Variants in DNM1L observed in about 807,000 individuals in gnomAD.
The protein encoded by DNM1L is dynamin 1L.
In DNM1L, 33 loss-of-function variants were observed where a neutral mutation model predicts 92.8. The observed-to-expected ratio is 0.36, with a 90% CI of 0.27 to 0.48. The LOEUF (loss-of-function observed/expected upper bound fraction) is 0.48, where lower values mean the gene tolerates loss of function less well. DNM1L is among the 20% of genes least tolerant of loss of function. The pLI is 0.99. For missense variants in DNM1L, 485 were observed against 888.8 expected, an observed-to-expected ratio of 0.55 and a Z score of 5.78; for synonymous variants, 284 against 305.0, an observed-to-expected ratio of 0.93 and a Z score of 0.72.
Position 32,743,799 on chromosome 12 carries a change from G to A in DNM1L, c.*389G>A. On this transcript the variant is annotated 3_prime_UTR_variant, in exon 20 of 20. Coordinates refer to ENST00000549701, the MANE Select transcript of DNM1L (RefSeq NM_012062.5). ...TAGTCCTCCAAGAAGAAAGCACCAA[G>A]ACAACATTTCATATGACTATAATGC... 1 of 235,284 alleles carries A rather than the reference G, an allele frequency of 4.3e-6. No homozygotes were observed. The highest frequency in any genetic ancestry group is 9.5e-5 in the East Asian group (1 of 10,492). The allele number at this position is 235,284 out of a possible 1,614,324, so 14.6% of individuals were successfully genotyped here. A position where few individuals can be genotyped will look rare whatever the true frequency, so the allele number is the denominator to read the frequency against.
chr12:32,732,953 G>A (rs1954647962), intron 12 of DNM1L, among the ~76,000 whole-genome samples: 1 of 152,074 alleles, frequency 6.6e-6, no homozygotes, highest in African/African-American at 2.4e-5. Context: ...AAAATTAGCC[G>A]GGCGTGGTGG....
rs114652559 is a variant in DNM1L at position 32,705,070 on chromosome 12, A to G, written c.251-2297A>G. On this transcript the variant is annotated intron_variant, in intron 2 of 19. Coordinates refer to ENST00000549701, the MANE Select transcript of DNM1L (RefSeq NM_012062.5). ...GCCCAGGCTGGTGTGCAGTGGCACAATGATCTCAGCTCACTGAAACCTCCT... is the reference window on the plus strand; with the variant it reads ...GCCCAGGCTGGTGTGCAGTGGCACAGTGATCTCAGCTCACTGAAACCTCCT... 1.5e-3 allele frequency among the ~76,000 whole-genome samples: 223 copies of G among 149,950 alleles called. 1 individual carries two copies. The highest frequency in any genetic ancestry group is 5.2e-3 in the African/African-American group (213 of 40,600).
In DNM1L at chr12:32,717,930, T is replaced by A. The variant is rs1331323416; in HGVS notation, c.620-713T>A. The stretch of plus-strand genomic sequence containing the variant: ...ATATATATAAAATATAGTATATATT[T>A]TATATATATATAAAATATAGTATAT... On this transcript the variant is annotated intron_variant, in intron 6 of 19. Transcript: ENST00000549701. Among the ~76,000 whole-genome samples the A allele has an allele frequency of 9.5e-4, 76 of 80,244 alleles. 1 individual carries two copies. Among genetic ancestry groups the A allele is most frequent in the South Asian group, 7.7e-3 (25 of 3,266 alleles). The allele number at this position is 80,244 out of a possible 152,430, so 52.6% of individuals were successfully genotyped here.
intron 1 of DNM1L, among the ~76,000 whole-genome samples, chr12:32,690,527 A>G (rs889552481): frequency 3.9e-5 from 6 of 152,188 alleles, no homozygotes; most frequent in African/African-American, 1.4e-4. Flanking sequence ...AAGCAATGAA[A>G]TATTTCCTAC....
chr12:32,730,194 T>A (rs1354343082), intron 9 of DNM1L, among the ~76,000 whole-genome samples: 2 of 151,680 alleles, frequency 1.3e-5, no homozygotes, highest in East Asian at 3.9e-4. Flanking sequence ...TGAAACCCCG[T>A]CTCTACTAAA....
intron 6 of DNM1L, among the ~76,000 whole-genome samples, chr12:32,715,616 C>T (rs1031633493): frequency 2.6e-5 from 4 of 152,008 alleles, no homozygotes; most frequent in Admixed American, 2.6e-4. Context: ...CCTGTAGTCC[C>T]AGCTACTGGG....
At chr12:32,711,710 C>T (rs754184032) in intron 5 of DNM1L, among the ~76,000 whole-genome samples, 9 of 151,978 alleles carry the variant, frequency 5.9e-5, no homozygotes, top group Admixed American at 2.0e-4. Flanking sequence ...GCCTGGGCAA[C>T]ATAGGGAGAC....
intron 16 of DNM1L, 70 bp from the exon 17 acceptor site, chr12:32,739,994 T>C: frequency 1.2e-6 from 2 of 1,601,954 alleles, no homozygotes; most frequent in Non-Finnish European, 1.7e-6. Context: ...TACTGTCAAA[T>C]AAAATGAACT....
chr12:32,717,230 T>C (rs1358791646), intron 6 of DNM1L, among the ~76,000 whole-genome samples: 1 of 110,118 alleles, frequency 9.1e-6, no homozygotes, highest in Non-Finnish European at 1.7e-5. Flanking sequence ...TAGTATATAT[T>C]ATATATATTT....
At chr12:32,735,942 T>C (rs2137553549) in intron 13 of DNM1L, among the ~76,000 whole-genome samples, 1 of 152,278 alleles carries the variant, frequency 6.6e-6, no homozygotes, top group Non-Finnish European at 1.5e-5. Context: ...TTGGACTGTG[T>C]TCATGAAATA....
At chr12:32,718,004 A>T (rs527471839) in intron 6 of DNM1L, among the ~76,000 whole-genome samples, 6 of 104,744 alleles carry the variant, frequency 5.7e-5, no homozygotes, top group South Asian at 5.1e-4. Context: ...AGTATATATA[A>T]TATATATAGT....
chr12:32,739,488 C>CA (rs2137582696), intron 16 of DNM1L, among the ~76,000 whole-genome samples: 1 of 152,296 alleles, frequency 6.6e-6, no homozygotes, highest in Admixed American at 6.5e-5. Flanking sequence ...TGAAACAACT[C>CA]ACAGTGACTG....
intron 6 of DNM1L, among the ~76,000 whole-genome samples, chr12:32,717,231 A>ATATATAGTATATAC (rs1459348700): frequency 9.3e-6 from 1 of 108,056 alleles, no homozygotes; most frequent in Non-Finnish European, 1.7e-5. Context: ...AGTATATATT[A>ATATATAGTATATAC]TATATATTTT....
In DNM1L at chr12:32,713,203, G is replaced by A. The variant is rs746248565; in HGVS notation, c.457-6G>A. Reference sequence around the variant, plus strand: ...TTAGTTCCTTGCTCATCTCTGTTTGGTTTAGGTGCCTGTAGGTGATCAACC... The same window carrying A: ...TTAGTTCCTTGCTCATCTCTGTTTGATTTAGGTGCCTGTAGGTGATCAACC... On this transcript the variant is annotated splice_polypyrimidine_tract_variant and splice_region_variant and intron_variant, in intron 5 of 19. Transcript: ENST00000549701. 3.1e-6 allele frequency: 5 copies of A among 1,613,644 alleles called. No homozygotes were observed. In the Admixed American group the frequency reaches 8.3e-5, roughly 27 times the overall value.
chr12:32,685,982 T>C (rs1951995178), intron 1 of DNM1L, among the ~76,000 whole-genome samples: 1 of 151,916 alleles, frequency 6.6e-6, no homozygotes, highest in Non-Finnish European at 1.5e-5. Flanking sequence ...GTATAGATTA[T>C]GAGCTGCTGC....
intron 1 of DNM1L, among the ~76,000 whole-genome samples, chr12:32,698,066 A>G (rs1427595786): frequency 6.6e-6 from 1 of 152,160 alleles, no homozygotes; most frequent in Non-Finnish European, 1.5e-5. Context: ...TTCAGAGTAC[A>G]GTATCAGAGT....
intron 18 of DNM1L, 70 bp from the exon 19 acceptor site, chr12:32,742,519 T>A: frequency 1.3e-6 from 2 of 1,584,404 alleles, no homozygotes; most frequent in Non-Finnish European, 1.7e-6. Context: ...TTCATGAGGT[T>A]AGCATCTAAG....
intron 12 of DNM1L, among the ~76,000 whole-genome samples, chr12:32,732,934 TA>T: frequency 6.6e-6 from 1 of 152,182 alleles, no homozygotes; most frequent in African/African-American, 2.4e-5. Flanking sequence ...CCCTCTCTAC[TA>T]AAAATACAAA....
In DNM1L at chr12:32,688,160, G is replaced by A. The variant is rs559050532; in HGVS notation, c.102+8695G>A. Among the ~76,000 whole-genome samples, 8 of 152,212 alleles carry A rather than the reference G, an allele frequency of 5.3e-5. No homozygotes were observed. In the South Asian group the frequency reaches 1.5e-3, roughly 28 times the overall value. ...GATTGATCTCAAACTCCTAACCTCA[G>A]GTGATCTGCCCACCTTGGCCTCCCA... On this transcript the variant is annotated intron_variant, in intron 1 of 19. Transcript: ENST00000549701.
Sources: allele counts gnomAD v4.1 joint callset (sites outside exome capture counted in the v4.1 genomes callset), GRCh38; gene constraint gnomAD v4.1.1; transcripts MANE v1.5; gene names NCBI Gene and HGNC (gene_info 2026-07-23, HGNC 2026-07-21).